The following ZNF827 variants were observed in gnomAD, a reference collection of about 807,000 sequenced individuals.
ZNF827 encodes the protein zinc finger protein 827.
ZNF827 carries 13 observed loss-of-function variants against 102.4 expected under a neutral mutation model. The ratio of observed to expected loss-of-function variants is 0.13; its 90% CI spans 0.08 to 0.20. The LOEUF is 0.20. Among genes scored for constraint, ZNF827 ranks in the 10% least tolerant of loss-of-function variants. ZNF827 has a pLI of 1.00. For synonymous variants in ZNF827, 523 were observed against 536.2 expected (o/e 0.98, Z 0.34); for missense variants, 1,103 against 1,344.4 (o/e 0.82, Z 2.81).
At chr4:145,800,882 G>A (rs1450323677) in intron 8 of ZNF827, among the ~76,000 whole-genome samples, 2 of 152,204 alleles carry the variant, frequency 1.3e-5, no homozygotes, top group Non-Finnish European at 2.9e-5. Context: ...CTGGGTTGCA[G>A]ATTTTGAGAA....
Position 145,760,285 on chromosome 4 carries a change from A to T in ZNF827, c.*1331T>A, listed in dbSNP as rs1298392678. ...GTTCATCGCTGTTAAAGAAGCCAGTACAAAGAATGTGCAATAGAAATGTCA... is the reference window on the plus strand; with the variant it reads ...GTTCATCGCTGTTAAAGAAGCCAGTTCAAAGAATGTGCAATAGAAATGTCA... On this transcript the variant is annotated 3_prime_UTR_variant, in exon 15 of 15. Transcript: ENST00000508784. 2.0e-5 allele frequency: 3 copies of T among 152,314 alleles called. No individual in the cohort carries two copies. The highest frequency in any genetic ancestry group is 4.4e-5 in the Non-Finnish European group (3 of 68,088). 9.4% of individuals were successfully genotyped at this position (152,314 alleles called of 1,614,324 possible).
At chr4:145,934,038 TTAAA>T (rs950281099) in intron 1 of ZNF827, among the ~76,000 whole-genome samples, 1 of 152,224 alleles carries the variant, frequency 6.6e-6, no homozygotes, top group Non-Finnish European at 1.5e-5. Context: ...GGACATTTTT[TTAAA>T]TATAGTATTG....
intron 2 of ZNF827, among the ~76,000 whole-genome samples, chr4:145,893,927 G>A (rs1750792293): frequency 6.6e-6 from 1 of 150,848 alleles, no homozygotes; most frequent in African/African-American, 2.4e-5. Flanking sequence ...GAAAAATAAA[G>A]ACTTAAGAGA....
In ZNF827 at chr4:145,760,628, C is replaced by G. The variant is rs1194854458; in HGVS notation, c.*988G>C. The G allele has an allele frequency of 2.9e-6, 1 of 350,846 alleles. No homozygotes were observed. The highest frequency in any genetic ancestry group is 1.3e-4 in the East Asian group (1 of 7,678). The allele number at this position is 350,846 out of a possible 1,614,324, so 21.7% of individuals were successfully genotyped here. A position where few individuals can be genotyped will look rare whatever the true frequency, so the allele number is the denominator to read the frequency against. On this transcript the variant is annotated 3_prime_UTR_variant, in exon 15 of 15. Coordinates refer to ENST00000508784, the MANE Select transcript of ZNF827 (RefSeq NM_001306215.2). ...CACAGAGCCAATTTTCTATTCCTTA[C>G]TAAAGATATACAGTACACATGTTCC...
At chr4:145,825,473 G>A (rs17020623) in intron 7 of ZNF827, among the ~76,000 whole-genome samples, 7,724 of 152,288 alleles carry the variant, frequency 0.051, 220 homozygotes, top group African/African-American at 0.066. Flanking sequence ...CAAGGCGTGT[G>A]GCCAGTGCAG....
chr4:145,816,411 T>C (rs369988834), intron 8 of ZNF827, among the ~76,000 whole-genome samples: 1 of 152,344 alleles, frequency 6.6e-6, no homozygotes, highest in South Asian at 2.1e-4. Flanking sequence ...TTAGAAAGGT[T>C]ACCACCCTTA....
chr4:145,820,774 A>G (rs761765782), intron 8 of ZNF827, among the ~76,000 whole-genome samples: 22 of 152,042 alleles, frequency 1.4e-4, no homozygotes, highest in South Asian at 4.2e-4. Context: ...TTTGCCCCCA[A>G]TCCTCTCCAA....
At chr4:145,830,191 CA>C (rs1744073673) in intron 7 of ZNF827, among the ~76,000 whole-genome samples, 1 of 151,768 alleles carries the variant, frequency 6.6e-6, no homozygotes, top group African/African-American at 2.4e-5. Context: ...GAAATGAGAA[CA>C]AACCGGAAAT....
At chr4:145,794,667 T>A in intron 8 of ZNF827, among the ~76,000 whole-genome samples, 1 of 151,868 alleles carries the variant, frequency 6.6e-6, no homozygotes, top group Non-Finnish European at 1.5e-5. Context: ...GCCACTGCAC[T>A]TCAGCCCGGG....
intron 10 of ZNF827, among the ~76,000 whole-genome samples, chr4:145,775,115 C>A (rs887850030): frequency 1.3e-5 from 2 of 152,152 alleles, no homozygotes; most frequent in African/African-American, 4.8e-5. Flanking sequence ...GCAATGAAAG[C>A]ACCTACAGTT....
chr4:145,906,718 C>T (rs184865591), intron 1 of ZNF827, among the ~76,000 whole-genome samples: 11 of 152,300 alleles, frequency 7.2e-5, no homozygotes, highest in Admixed American at 7.2e-4. Context: ...CCTAACTTGT[C>T]AAAACACAAA....
intron 6 of ZNF827, among the ~76,000 whole-genome samples, chr4:145,848,458 C>T (rs983669663): frequency 1.3e-5 from 2 of 152,192 alleles, no homozygotes; most frequent in African/African-American, 4.8e-5. Flanking sequence ...AATGGATGCT[C>T]TAAATGTGTT....
At chr4:145,855,137 T>A (rs1746945068) in intron 5 of ZNF827, among the ~76,000 whole-genome samples, 1 of 152,192 alleles carries the variant, frequency 6.6e-6, no homozygotes, top group Non-Finnish European at 1.5e-5. Context: ...TATGAAAGGA[T>A]GGAACACTGG....
intron 8 of ZNF827, among the ~76,000 whole-genome samples, chr4:145,796,098 C>G (rs1249870935): frequency 6.6e-6 from 1 of 152,184 alleles, no homozygotes; most frequent in Non-Finnish European, 1.5e-5. Context: ...TAATATCCTT[C>G]ATATTCTGTT....
chr4:145,808,424 G>A (rs1002796233), intron 8 of ZNF827, among the ~76,000 whole-genome samples: 3 of 152,066 alleles, frequency 2.0e-5, no homozygotes, highest in Non-Finnish European at 4.4e-5. Flanking sequence ...AATCTTTCAA[G>A]CCTAATTCCA....
At chr4:145,865,318 A>T (rs1748090801) in intron 5 of ZNF827, among the ~76,000 whole-genome samples, 1 of 152,238 alleles carries the variant, frequency 6.6e-6, no homozygotes, top group South Asian at 2.1e-4. Context: ...CTTTTTAAAA[A>T]GTAAAATGTA....
In ZNF827 at chr4:145,801,391, A is replaced by G. The variant is rs113868328; in HGVS notation, c.2384-21880T>C. Among the ~76,000 whole-genome samples, 1,140 of 152,320 alleles carry G rather than the reference A, an allele frequency of 7.5e-3. 16 individuals are homozygous for G. Among genetic ancestry groups the G allele is most frequent in the African/African-American group, 0.026 (1,065 of 41,562 alleles). ...TGTAAGCTTTTAAAGCCCCATTATC[A>G]TGTTCTTCTACCTTGATATCCCCAT... On this transcript the variant is annotated intron_variant, in intron 8 of 14. Coordinates refer to ENST00000508784, the MANE Select transcript of ZNF827 (RefSeq NM_001306215.2).
At chr4:145,846,238 G>T (rs1439303370) in intron 6 of ZNF827, among the ~76,000 whole-genome samples, 2 of 152,094 alleles carry the variant, frequency 1.3e-5, no homozygotes, top group Non-Finnish European at 2.9e-5. Context: ...CAGCACTTTG[G>T]GAGGCTGAGG....
chr4:145,897,331 A>G (rs911672456), intron 2 of ZNF827, among the ~76,000 whole-genome samples: 1 of 152,196 alleles, frequency 6.6e-6, no homozygotes, highest in African/African-American at 2.4e-5. Context: ...TCGAAATCAA[A>G]CTTCCTGTTG....
Sources: gnomAD v4.1 joint callset for allele counts (sites outside exome capture counted in the v4.1 genomes callset) on GRCh38, gnomAD v4.1.1 for gene constraint, MANE v1.5 for transcripts, NCBI Gene and HGNC (gene_info 2026-07-23, HGNC 2026-07-21) for gene names.